Variants in GALE observed in about 807,000 individuals in gnomAD.
GALE encodes the protein UDP-galactose-4-epimerase.
A neutral mutation model predicts 44.1 loss-of-function variants in GALE; 32 were observed. That is an observed-to-expected ratio of 0.73 (90% CI 0.55 to 0.97). GALE has a LOEUF of 0.97. Ranked by LOEUF, GALE falls within the 50% of genes least tolerant of loss-of-function variation. The probability of loss-of-function intolerance (pLI) is 0.00; values close to 1 mark genes in which losing one functional copy is unlikely to be tolerated. For synonymous variants in GALE, 182 were observed against 183.5 expected (o/e 0.99, Z 0.06); for missense variants, 423 against 455.6 (o/e 0.93, Z 0.65).
Position 23,796,684 on chromosome 1 carries a change from C to G in GALE, c.795+13G>C, listed in dbSNP as rs780512622. 7 of 1,613,542 alleles carry G rather than the reference C, an allele frequency of 4.3e-6. No homozygotes were observed. The South Asian group carries it at 7.7e-5, about 18-fold the overall frequency. Reference sequence around the variant, plus strand: ...GGTCCCTCCCCTCCCTCACTTCTCCCTTCTCTTCCTACCCGGCAGCCACAC... The same window carrying G: ...GGTCCCTCCCCTCCCTCACTTCTCCGTTCTCTTCCTACCCGGCAGCCACAC... On this transcript the variant is annotated intron_variant, in intron 9 of 11. Transcript: ENST00000617979. This position sits in a 1 kb window ranked among gnomAD's most constrained non-coding sequence, Gnocchi z 5.2.
intron 2 of GALE, 153 bp downstream of exon 2, chr1:23,799,213 T>C: frequency 3.1e-6 from 2 of 635,614 alleles, no homozygotes; most frequent in South Asian, 3.7e-5. Context: ...AATTAGCCTC[T>C]TGGCCTCAGT....
At position 23,796,138 on chromosome 1, in the gene GALE, G is replaced by A; in HGVS notation, c.988+13C>T. ...CCCTGGCCCCTAACTGCAGGGGTCA[G>A]GCCAGCACTCACACATCCTGTCCAG... On this transcript the variant is annotated intron_variant, in intron 11 of 11. Transcript: ENST00000617979. The surrounding 1 kb of genome is among the most constrained non-coding windows in gnomAD (Gnocchi z 5.2). 1 of 1,610,570 alleles carries A rather than the reference G, an allele frequency of 6.2e-7. No homozygotes were observed. The highest frequency in any genetic ancestry group is 1.3e-5 in the African/African-American group (1 of 74,950).
At position 23,797,143 on chromosome 1, in the gene GALE, C is replaced by G; in HGVS notation, c.533G>C (p.Trp178Ser). 6.2e-7 allele frequency: 1 copy of G among 1,605,182 alleles called. No homozygotes were observed. The highest frequency in any genetic ancestry group is 8.5e-7 in the Non-Finnish European group (1 of 1,175,894). ...GAAATAGCGCAGCAGCACTGCGTTC[C>G]AAGTCTGTGGGATGTGGGTCAGGTG... ...IRDLCQADKT[W>S]NAVLLRYFNP... is the part of the protein sequence containing the mutation. The change falls in exon 7 of 12, where the codon TGG becomes TCG. Residue 178 changes from tryptophan to serine, a missense_variant. Transcript: ENST00000617979.
rs1162089328 is a variant in GALE, at chr1:23,796,475, A to T, written c.873+34T>A. The T allele has an allele frequency of 2.4e-5, 20 of 838,610 alleles. No individual in the cohort carries two copies. Among genetic ancestry groups the T allele is most frequent in the African/African-American group, 5.2e-5 (1 of 19,386 alleles). 51.9% of individuals were successfully genotyped at this position (838,610 alleles called of 1,614,324 possible). A position where few individuals can be genotyped will look rare whatever the true frequency, so the allele number is the denominator to read the frequency against. ...CTGTTGCTGAGAGCTGGGTGGGGTG[A>T]GGTGGGTGAGGTGGGTGGGGCGGGG... is the stretch of plus-strand genomic sequence containing the variant. On this transcript the variant is annotated intron_variant, in intron 10 of 11. Coordinates refer to ENST00000617979, the MANE Select transcript of GALE (RefSeq NM_001008216.2). This position sits in a 1 kb window ranked among gnomAD's most constrained non-coding sequence, Gnocchi z 5.2.
At chr1:23,800,562 C>A (rs1023089374) in intron 1 of GALE, 150 bp downstream of exon 1, 9 of 152,466 alleles carry the variant, frequency 5.9e-5, no homozygotes, top group African/African-American at 1.7e-4. Flanking sequence ...CCGCCCCAGC[C>A]CGGGCAGCGG....
Position 23,796,599 on chromosome 1 carries a change from G to A in GALE, c.796-13C>T. ...CCAGGTTGTAGATCTGGCCCACGGA[G>A]AACAGGGTTTATGGAGCGGGCTGGA... On this transcript the variant is annotated splice_polypyrimidine_tract_variant and intron_variant, in intron 9 of 11. Coordinates refer to ENST00000617979, the MANE Select transcript of GALE (RefSeq NM_001008216.2). The surrounding 1 kb of genome is among the most constrained non-coding windows in gnomAD (Gnocchi z 5.2). 1 of 1,614,064 alleles carries A rather than the reference G, an allele frequency of 6.2e-7. No individual in the cohort carries two copies.
rs758252537 is a variant in GALE at position 23,796,586 on chromosome 1, T to C, written c.796A>G (p.Ile266Val). 1 of 1,614,094 alleles carries C rather than the reference T, an allele frequency of 6.2e-7. No individual in the cohort carries two copies. Among genetic ancestry groups the C allele is most frequent in the Non-Finnish European group, 8.5e-7 (1 of 1,180,010 alleles). The change falls in exon 10 of 12, where the codon ATC becomes GTC. Residue 266 changes from isoleucine to valine, a missense_variant and splice_region_variant. Coordinates refer to ENST00000617979, the MANE Select transcript of GALE (RefSeq NM_001008216.2). The surrounding 1 kb of genome is among the most constrained non-coding windows in gnomAD (Gnocchi z 5.2). The stretch of plus-strand genomic sequence containing the variant: ...CCTGTGCCCGTGCCCAGGTTGTAGA[T>C]CTGGCCCACGGAGAACAGGGTTTAT... ...RKLKEQCGCR[I>V]YNLGTGTGYS...
In GALE at chr1:23,795,954, C is replaced by T. The variant is rs764588548; in HGVS notation, c.1042G>A (p.Ala348Thr). Residue 348 changes from alanine (A) to threonine (T), a missense_variant, in exon 12 of 12, where the codon GCC (alanine) becomes ACC (threonine). Physicochemically the swap from Ala to Thr is moderately conservative, Grantham distance 58. Coordinates refer to ENST00000617979, the MANE Select transcript of GALE (RefSeq NM_001008216.2). Reference protein sequence around the residue: ...KQNPSGFGTQA With the variant: ...KQNPSGFGTQT ...TCCTTGGTAGGGGAGGGTCCTCAGGCTTGCGTGCCAAAGCCTGAAGGATTC... is the reference window on the plus strand; with the variant it reads ...TCCTTGGTAGGGGAGGGTCCTCAGGTTTGCGTGCCAAAGCCTGAAGGATTC... 3 of 1,613,962 alleles carry T rather than the reference C, an allele frequency of 1.9e-6. No individual in the cohort carries two copies. Among genetic ancestry groups the T allele is most frequent in the Admixed American group, 3.3e-5 (2 of 60,024 alleles).
chr1:23,795,601 C>T lies in GALE; in HGVS notation c.*348G>A, dbSNP rs1638921447. 5.0e-6 allele frequency: 2 copies of T among 399,356 alleles called. No individual in the cohort carries two copies. Among genetic ancestry groups the T allele is most frequent in the Non-Finnish European group, 9.2e-6 (2 of 216,490 alleles). 24.7% of individuals were successfully genotyped at this position (399,356 alleles called of 1,614,324 possible). On this transcript the variant is annotated 3_prime_UTR_variant, in exon 12 of 12. Transcript: ENST00000617979. ...AGTGACCATCTGTGAGAACCTGCCCCAGTGTAAGAAAACTTGTTTTTATTT... is the reference window on the plus strand; with the variant it reads ...AGTGACCATCTGTGAGAACCTGCCCTAGTGTAAGAAAACTTGTTTTTATTT...
chr1:23,795,878 C>T lies in GALE; in HGVS notation c.*71G>A. On this transcript the variant is annotated 3_prime_UTR_variant, in exon 12 of 12. Transcript: ENST00000617979. Reference sequence around the variant, plus strand: ...TGGCTTGGCCCCAGCAGCTCCAGGGCCCTGAGTTCCTGCCAGAGGCTGGAG... The same window carrying T: ...TGGCTTGGCCCCAGCAGCTCCAGGGTCCTGAGTTCCTGCCAGAGGCTGGAG... 6.8e-7 allele frequency: 1 copy of T among 1,479,634 alleles called. No homozygotes were observed. The highest frequency in any genetic ancestry group is 9.4e-7 in the Non-Finnish European group (1 of 1,063,622). The allele number at this position is 1,479,634 out of a possible 1,614,324, so 91.7% of individuals were successfully genotyped here. A position where few individuals can be genotyped will look rare whatever the true frequency, so the allele number is the denominator to read the frequency against.
rs148117713 is a variant in GALE, at chr1:23,796,377, G to A, written c.874-112C>T. 4.8e-3 allele frequency: 6,802 copies of A among 1,420,896 alleles called. 26 individuals are homozygous for A. Among genetic ancestry groups the A allele is most frequent in the Non-Finnish European group, 5.5e-3 (5,511 of 1,009,500 alleles). The allele number at this position is 1,420,896 out of a possible 1,614,324, so 88.0% of individuals were successfully genotyped here. A position where few individuals can be genotyped will look rare whatever the true frequency, so the allele number is the denominator to read the frequency against. ...AGCGGCTGGCCCGCAGGCACCGGGT[G>A]CTAGGCAGGCTGAGGAGACTGGGCA... On this transcript the variant is annotated intron_variant, in intron 10 of 11. Coordinates refer to ENST00000617979, the MANE Select transcript of GALE (RefSeq NM_001008216.2). The surrounding 1 kb of genome is among the most constrained non-coding windows in gnomAD (Gnocchi z 5.2).
Position 23,798,555 on chromosome 1 carries a change from C to A in GALE, c.237+60G>T. 8.1e-7 allele frequency: 1 copy of A among 1,230,444 alleles called. No homozygotes were observed. 76.2% of individuals were successfully genotyped at this position (1,230,444 alleles called of 1,614,324 possible). ...ACCTGGGCTCAAGTGATCTCCTCAC[C>A]TCGGCCTTCCAAAGTGCTGGAATTA... is the stretch of plus-strand genomic sequence containing the variant. On this transcript the variant is annotated intron_variant, in intron 4 of 11. Transcript: ENST00000617979. The surrounding 1 kb of genome is among the most constrained non-coding windows in gnomAD (Gnocchi z 4.5).
rs1465406408 is a variant in GALE at position 23,796,277 on chromosome 1, G to GAGGT, written c.874-16_874-13dup. The GAGGT allele has an allele frequency of 6.2e-7, 1 of 1,610,790 alleles. No individual in the cohort carries two copies. The highest frequency in any genetic ancestry group is 1.1e-5 in the South Asian group (1 of 91,044). ...ACCTTGTACGGGATCTGCAAGACAG[G>GAGGT]AGGTAGTTGGAGCTTAGCTGAGCCG... On this transcript the variant is annotated splice_polypyrimidine_tract_variant and intron_variant, in intron 10 of 11. Coordinates refer to ENST00000617979, the MANE Select transcript of GALE (RefSeq NM_001008216.2). The surrounding 1 kb of genome is among the most constrained non-coding windows in gnomAD (Gnocchi z 5.2).
chr1:23,797,272 T>C (rs1638989715), intron 6 of GALE, 125 bp from the exon 7 acceptor site: 1 of 719,352 alleles, frequency 1.4e-6, no homozygotes, highest in South Asian at 1.6e-5. Context: ...CAGGCTGGAG[T>C]GTAGTGGCCT....
At position 23,795,669 on chromosome 1, in the gene GALE, G is replaced by A. The variant is rs553757317; in HGVS notation, c.*280C>T. ...CTCTTTCAGAGCAATATAAATGAGT[G>A]CCTGGGAGGAGGAGGTTTTGTGCCA... is the stretch of plus-strand genomic sequence containing the variant. On this transcript the variant is annotated 3_prime_UTR_variant, in exon 12 of 12. Transcript: ENST00000617979. The A allele has an allele frequency of 1.7e-6, 1 of 579,628 alleles. No homozygotes were observed. Among genetic ancestry groups the A allele is most frequent in the South Asian group, 2.1e-5 (1 of 48,570 alleles). 35.9% of individuals were successfully genotyped at this position (579,628 alleles called of 1,614,324 possible).
In GALE at chr1:23,797,858, T is replaced by C. The variant is rs1224993495; in HGVS notation, c.365A>G (p.His122Arg). 5.0e-6 allele frequency: 8 copies of C among 1,614,212 alleles called. No homozygotes were observed. The highest frequency in any genetic ancestry group is 5.9e-6 in the Non-Finnish European group (7 of 1,180,022). Reference protein sequence around the residue: ...TIQLLEIMKAHGVKNLVFSSS... With the variant: ...TIQLLEIMKARGVKNLVFSSS... ...GCTGAACACCAGGTTCTTCACCCCG[T>C]GGGCCTTCATGATCTGGCCGTGGAG... is the stretch of plus-strand genomic sequence containing the variant. Residue 122 changes from histidine (H) to arginine (R), a missense_variant, in exon 6 of 12, where the codon CAC becomes CGC. Physicochemically the swap from His to Arg is conservative, Grantham distance 29. Transcript: ENST00000617979.
rs1185473528 is a variant in GALE, at chr1:23,795,631, A to ATACTT, written c.*313_*317dup. 2.0e-6 allele frequency: 1 copy of ATACTT among 488,348 alleles called. No individual in the cohort carries two copies. The highest frequency in any genetic ancestry group is 1.9e-5 in the African/African-American group (1 of 51,692). 30.3% of individuals were successfully genotyped at this position (488,348 alleles called of 1,614,324 possible). A position where few individuals can be genotyped will look rare whatever the true frequency, so the allele number is the denominator to read the frequency against. On this transcript the variant is annotated 3_prime_UTR_variant, in exon 12 of 12. Coordinates refer to ENST00000617979, the MANE Select transcript of GALE (RefSeq NM_001008216.2). ...TAAGAAAACTTGTTTTTATTTTTAA[A>ATACTT]TACTTTGGAAAGCTCTTTCAGAGCA...
intron 1 of GALE, chr1:23,800,024 C>T (rs1214185249): frequency 6.6e-6 from 1 of 152,326 alleles, no homozygotes; most frequent in African/African-American, 2.4e-5. Flanking sequence ...CTCTGCGTGC[C>T]AGGCTCCGTA....
chr1:23,796,064 A>C lies in GALE; in HGVS notation c.989-57T>G, dbSNP rs2148408928. On this transcript the variant is annotated intron_variant, in intron 11 of 11. Transcript: ENST00000617979. The surrounding 1 kb of genome is among the most constrained non-coding windows in gnomAD (Gnocchi z 5.2). ...CACGGTGGAATGCAGAGCCTCCCCC[A>C]CCCCACAGCCCGCCCTGGGTGGGCA... The C allele has an allele frequency of 6.2e-7, 1 of 1,601,706 alleles. No homozygotes were observed. Among genetic ancestry groups the C allele is most frequent in the Non-Finnish European group, 8.5e-7 (1 of 1,169,830 alleles).
Sources: allele counts gnomAD v4.1 joint callset, GRCh38; gene constraint gnomAD v4.1.1; non-coding constraint Gnocchi (gnomAD v3.1); transcripts MANE v1.5; gene names NCBI Gene and HGNC (gene_info 2026-07-23, HGNC 2026-07-21).